The following RPS6KC1 variants were observed in gnomAD, a reference collection of about 807,000 sequenced individuals.
RPS6KC1 encodes ribosomal protein S6 kinase C1.
In RPS6KC1, 54 loss-of-function variants were observed where a neutral mutation model predicts 103.8. The ratio of observed to expected loss-of-function variants is 0.52; its 90% CI spans 0.42 to 0.65. RPS6KC1 has a LOEUF of 0.65. RPS6KC1 is among the 30% of genes least tolerant of loss of function. The pLI is 0.00. For synonymous variants in RPS6KC1, 439 were observed against 438.7 expected (o/e 1.00, Z -0.01); for missense variants, 1,151 against 1,253.8 (o/e 0.92, Z 1.24).
At chr1:213,205,256 A>C in intron 8 of RPS6KC1, 1 of 985,010 alleles carries the variant, frequency 1.0e-6, no homozygotes, top group Non-Finnish European at 1.2e-6. Flanking sequence ...CCATGGTGAG[A>C]CACTTGAGAT....
intron 1 of RPS6KC1, among the ~76,000 whole-genome samples, chr1:213,070,371 A>G (rs1038319801): frequency 6.6e-6 from 1 of 152,216 alleles, no homozygotes; most frequent in Non-Finnish European, 1.5e-5. Flanking sequence ...AATGTAGTGA[A>G]TATATGAACT....
the RPS6KC1 span, among the ~76,000 whole-genome samples, chr1:213,522,701 A>G: frequency 6.6e-6 from 1 of 152,202 alleles, no homozygotes; most frequent in African/African-American, 2.4e-5. Flanking sequence ...TATGTTATGG[A>G]GATGGCTGCT....
chr1:213,533,133 A>G, the RPS6KC1 span, among the ~76,000 whole-genome samples: 1 of 152,172 alleles, frequency 6.6e-6, no homozygotes, highest in African/African-American at 2.4e-5. Flanking sequence ...AACGGTGGCA[A>G]CATGCAGGAA....
chr1:213,172,527 C>T (rs781441827), intron 7 of RPS6KC1, among the ~76,000 whole-genome samples: 1 of 152,224 alleles, frequency 6.6e-6, no homozygotes, highest in African/African-American at 2.4e-5. Flanking sequence ...ACAAGGTTAT[C>T]GTTTGAGCCT....
At chr1:213,242,687 T>G (rs368908439) in intron 12 of RPS6KC1, 29 bp downstream of exon 12, 1 of 1,534,838 alleles carries the variant, frequency 6.5e-7, no homozygotes, top group African/African-American at 1.4e-5. Context: ...AATGTTTCAC[T>G]TGAAAAAGTG....
the RPS6KC1 span, among the ~76,000 whole-genome samples, chr1:213,519,829 A>T: frequency 1.3e-5 from 2 of 152,330 alleles, no homozygotes; most frequent in South Asian, 4.1e-4. Context: ...CAGTAGCTGA[A>T]GTGACAATAA....
the RPS6KC1 span, among the ~76,000 whole-genome samples, chr1:213,591,130 G>C: frequency 6.6e-6 from 1 of 152,124 alleles, no homozygotes; most frequent in African/African-American, 2.4e-5. Flanking sequence ...TCTCAGGTGA[G>C]GTCTGCTGCA....
chr1:213,861,263 AC>A, the RPS6KC1 span, among the ~76,000 whole-genome samples: 1 of 152,196 alleles, frequency 6.6e-6, no homozygotes, highest in Non-Finnish European at 1.5e-5. Context: ...TGTCCCCAAA[AC>A]AGGAGTGGTT....
At chr1:213,765,398 C>T in the RPS6KC1 span, among the ~76,000 whole-genome samples, 4 of 152,256 alleles carry the variant, frequency 2.6e-5, no homozygotes, top group South Asian at 8.3e-4. Context: ...GTGACCTCTC[C>T]CACCTCCAGT....
At chr1:213,196,878 C>T (rs984413460) in intron 8 of RPS6KC1, among the ~76,000 whole-genome samples, 13 of 152,062 alleles carry the variant, frequency 8.5e-5, no homozygotes, top group Non-Finnish European at 4.4e-5. Flanking sequence ...CTCTCGTTGC[C>T]CGGGCTGGGG....
chr1:213,201,989 T>C (rs775892437), intron 8 of RPS6KC1, among the ~76,000 whole-genome samples: 13 of 152,166 alleles, frequency 8.5e-5, no homozygotes, highest in Non-Finnish European at 1.6e-4. Context: ...AGTCTTAGGA[T>C]TACATATTAT....
At chr1:213,663,563 A>C in the RPS6KC1 span, among the ~76,000 whole-genome samples, 2 of 152,226 alleles carry the variant, frequency 1.3e-5, no homozygotes, top group Non-Finnish European at 2.9e-5. Context: ...TGCTAGGGCC[A>C]CTGCAAAATG....
At chr1:213,482,039 C>T in the RPS6KC1 span, among the ~76,000 whole-genome samples, 2 of 152,160 alleles carry the variant, frequency 1.3e-5, no homozygotes, top group African/African-American at 4.8e-5. Context: ...ACACCTGCTC[C>T]TGCTTCACCT....
At chr1:213,061,757 C>A (rs2077862417) in intron 1 of RPS6KC1, among the ~76,000 whole-genome samples, 1 of 152,078 alleles carries the variant, frequency 6.6e-6, no homozygotes, top group Non-Finnish European at 1.5e-5. Flanking sequence ...AATAGTGTAG[C>A]CTTCCATTTC....
intron 8 of RPS6KC1, among the ~76,000 whole-genome samples, chr1:213,214,110 GGAATT>G (rs10558840): frequency 0.62 from 93,317 of 151,258 alleles, 29,149 homozygotes; most frequent in Non-Finnish European, 0.65. Context: ...AAGGGGTCAG[GGAATT>G]CCCTTTCATA....
the RPS6KC1 span, among the ~76,000 whole-genome samples, chr1:213,676,123 A>T: frequency 6.6e-6 from 1 of 152,234 alleles, no homozygotes; most frequent in Non-Finnish European, 1.5e-5. Flanking sequence ...CTATACCTTT[A>T]CACGTGTTGT....
chr1:213,138,626 A>G (rs1232143600), intron 6 of RPS6KC1, among the ~76,000 whole-genome samples: 1 of 152,048 alleles, frequency 6.6e-6, no homozygotes, highest in Non-Finnish European at 1.5e-5. Flanking sequence ...TTCTGCTCCT[A>G]TATTAATTTA....
At chr1:213,490,546 C>A in the RPS6KC1 span, among the ~76,000 whole-genome samples, 6 of 152,132 alleles carry the variant, frequency 3.9e-5, no homozygotes, top group Admixed American at 1.3e-4. Flanking sequence ...GACAATGGTT[C>A]GGCTTCCAGT....
the RPS6KC1 span, among the ~76,000 whole-genome samples, chr1:213,618,103 T>G: frequency 6.6e-6 from 1 of 152,220 alleles, no homozygotes; most frequent in African/African-American, 2.4e-5. Context: ...CTTTAGCACT[T>G]AAAAAATTTC....
Sources: allele counts gnomAD v4.1 joint callset (sites outside exome capture counted in the v4.1 genomes callset), GRCh38; gene constraint gnomAD v4.1.1; transcripts MANE v1.5; gene names NCBI Gene and HGNC (gene_info 2026-07-23, HGNC 2026-07-21).